The following CRIM1 variants were observed in gnomAD, a reference collection of about 807,000 sequenced individuals.
The protein encoded by CRIM1 is cysteine-rich motor neuron 1 protein.
In CRIM1, 32 loss-of-function variants were observed where a neutral mutation model predicts 116.4. The observed-to-expected ratio is 0.27, with a 90% CI of 0.21 to 0.37. CRIM1 has a LOEUF of 0.37. Ranked by LOEUF, CRIM1 falls within the 10% of genes least tolerant of loss-of-function variation. CRIM1 has a pLI of 1.00. For synonymous variants in CRIM1, 590 were observed against 509.2 expected (o/e 1.16, Z -2.13); for missense variants, 1,331 against 1,354.8 (o/e 0.98, Z 0.28).
At position 36,493,040 on chromosome 2, in the gene CRIM1, G is replaced by T. The variant is rs538764398; in HGVS notation, c.1373-6179G>T. ...TGAAAGAAGAGGTAATAAGAGAAAC[G>T]AGAGACAGATAGGAATTGTTAGCTT... On this transcript the variant is annotated intron_variant, in intron 7 of 16. Transcript: ENST00000280527. 1.6e-3 allele frequency among the ~76,000 whole-genome samples: 244 copies of T among 152,290 alleles called. 6 individuals are homozygous for T. The highest frequency in any genetic ancestry group is 3.4e-3 in the Middle Eastern group (1 of 294).
rs143981741 is a variant in CRIM1, at chr2:36,409,711, G to A, written c.505+12924G>A. Among the ~76,000 whole-genome samples the A allele has an allele frequency of 3.3e-3, 508 of 152,316 alleles. 2 individuals carry two copies. Among genetic ancestry groups the A allele is most frequent in the African/African-American group, 0.011 (474 of 41,562 alleles). On this transcript the variant is annotated intron_variant, in intron 2 of 16. Transcript: ENST00000280527. Reference sequence around the variant, plus strand: ...CTTTAATCAGTTTAAAAGCTACTTTGTGATTTATAGACACATATGTTTACT... The same window carrying A: ...CTTTAATCAGTTTAAAAGCTACTTTATGATTTATAGACACATATGTTTACT...
intron 2 of CRIM1, among the ~76,000 whole-genome samples, chr2:36,439,253 A>G (rs1459735738): frequency 6.6e-6 from 1 of 152,170 alleles, no homozygotes; most frequent in African/African-American, 2.4e-5. Flanking sequence ...TGTGGTAAAC[A>G]GTGCTAGTAT....
At chr2:36,453,435 A>G (rs532322621) in intron 4 of CRIM1, among the ~76,000 whole-genome samples, 3 of 152,254 alleles carry the variant, frequency 2.0e-5, no homozygotes, top group Non-Finnish European at 4.4e-5. Context: ...TTCCTAAGAC[A>G]TTAGATTGTG....
intron 13 of CRIM1, among the ~76,000 whole-genome samples, chr2:36,536,759 T>C (rs1666580577): frequency 6.6e-6 from 1 of 152,108 alleles, no homozygotes; most frequent in African/African-American, 2.4e-5. Context: ...GTATATACTG[T>C]ACAGACAAAT....
At chr2:36,404,175 T>A (rs974753567) in intron 2 of CRIM1, among the ~76,000 whole-genome samples, 2 of 152,206 alleles carry the variant, frequency 1.3e-5, no homozygotes, top group African/African-American at 4.8e-5. Context: ...GTTGCTACTG[T>A]TAGCCAAGTG....
chr2:36,377,431 G>A (rs545660970), intron 1 of CRIM1, among the ~76,000 whole-genome samples: 6 of 152,166 alleles, frequency 3.9e-5, no homozygotes, highest in East Asian at 1.9e-4. Context: ...AAACAAAATC[G>A]TGCACTAGTG....
In CRIM1 at chr2:36,512,296, T is replaced by C; in HGVS notation, c.1682T>C (p.Ile561Thr). The C allele has an allele frequency of 5.6e-6, 9 of 1,613,634 alleles. No homozygotes were observed. In the South Asian group the frequency reaches 9.9e-5, roughly 18 times the overall value. The change falls in exon 10 of 17, where the codon ATC (isoleucine) becomes ACC (threonine). Residue 561 changes from isoleucine to threonine, a missense_variant. Ile to Thr is a moderately conservative substitution (Grantham distance 89). This residue lies in a region of CRIM1 where 358 missense variants were observed against 436.1 expected (regional missense o/e 0.82). Transcript: ENST00000280527. The stretch of plus-strand genomic sequence containing the variant: ...AGGAAGAATAAGCACGGCTGTGACA[T>C]CTGTCGCTGTAAGAAATGTCCAGAG... ...GLLKNKHGCD[I>T]CRCKKCPELS... is the part of the protein sequence containing the mutation.
At chr2:36,362,720 A>G (rs1475270171) in intron 1 of CRIM1, among the ~76,000 whole-genome samples, 14 of 152,224 alleles carry the variant, frequency 9.2e-5, no homozygotes. Flanking sequence ...AATACCCTCA[A>G]GGTAAACACT....
intron 4 of CRIM1, among the ~76,000 whole-genome samples, chr2:36,454,918 G>A (rs533216288): frequency 9.2e-5 from 14 of 152,282 alleles, no homozygotes; most frequent in Admixed American, 6.5e-4. Context: ...ACAGAAGGAG[G>A]ATAAAGAGGC....
At chr2:36,427,782 C>T (rs767401525) in intron 2 of CRIM1, among the ~76,000 whole-genome samples, 32 of 152,200 alleles carry the variant, frequency 2.1e-4, no homozygotes, top group Non-Finnish European at 4.3e-4. Context: ...CCCCAAGACC[C>T]TTGGTGTACA....
At chr2:36,394,412 T>G (rs1004535227) in intron 1 of CRIM1, among the ~76,000 whole-genome samples, 2 of 152,176 alleles carry the variant, frequency 1.3e-5, no homozygotes, top group African/African-American at 4.8e-5. Flanking sequence ...AGAAATCACT[T>G]GGATGCACAT....
chr2:36,392,598 G>A (rs187853289), intron 1 of CRIM1, among the ~76,000 whole-genome samples: 1 of 152,232 alleles, frequency 6.6e-6, no homozygotes, highest in African/African-American at 2.4e-5. Context: ...GAACTCTTGG[G>A]CTCAGATTTG....
At chr2:36,369,541 C>G (rs548388627) in intron 1 of CRIM1, among the ~76,000 whole-genome samples, 150 of 152,292 alleles carry the variant, frequency 9.8e-4, no homozygotes, top group African/African-American at 3.5e-3. Context: ...ACAAAAAGTT[C>G]TGTAAAAATG....
chr2:36,448,376 G>A (rs1676413189), intron 4 of CRIM1, among the ~76,000 whole-genome samples: 1 of 152,204 alleles, frequency 6.6e-6, no homozygotes. Flanking sequence ...GCCCAACTGG[G>A]CTATTTCTCA....
chr2:36,410,047 C>A (rs990599956), intron 2 of CRIM1, among the ~76,000 whole-genome samples: 9 of 152,128 alleles, frequency 5.9e-5, no homozygotes, highest in Non-Finnish European at 1.2e-4. Flanking sequence ...GCTTTTGATT[C>A]GTGGTTTCTC....
intron 12 of CRIM1, 131 bp downstream of exon 12, chr2:36,517,673 C>T (rs947868818): frequency 1.3e-6 from 1 of 792,116 alleles, no homozygotes; most frequent in Non-Finnish European, 2.0e-6. Context: ...CCATCAGGAA[C>T]AGCTGGCAGC....
chr2:36,513,437 A>G (rs1023243778), intron 10 of CRIM1, 119 bp from the exon 11 acceptor site: 9 of 738,688 alleles, frequency 1.2e-5, no homozygotes, highest in Admixed American at 2.1e-5. Flanking sequence ...CCATGTCACA[A>G]ACTGTCCTGT....
intron 2 of CRIM1, among the ~76,000 whole-genome samples, chr2:36,440,953 A>G (rs1675771300): frequency 6.6e-6 from 1 of 152,174 alleles, no homozygotes; most frequent in South Asian, 2.1e-4. Flanking sequence ...CAGATTCTCC[A>G]CGCCATGGGT....
intron 7 of CRIM1, among the ~76,000 whole-genome samples, chr2:36,493,059 T>G (rs1680342949): frequency 6.6e-6 from 1 of 152,132 alleles, no homozygotes; most frequent in African/African-American, 2.4e-5. Flanking sequence ...ATAGGAATTG[T>G]TAGCTTCATT....
Sources: allele counts gnomAD v4.1 joint callset (sites outside exome capture counted in the v4.1 genomes callset), GRCh38; gene constraint gnomAD v4.1.1; regional missense constraint gnomAD v4.1.1; transcripts MANE v1.5; gene names NCBI Gene and HGNC (gene_info 2026-07-23, HGNC 2026-07-21).